The following PTCH2 variants were observed in gnomAD, a reference collection of about 807,000 sequenced individuals.
The protein encoded by PTCH2 is patched 2.
In PTCH2, 96 loss-of-function variants were observed where a neutral mutation model predicts 117.9. That is an observed-to-expected ratio of 0.81 (90% CI 0.69 to 0.96). The LOEUF (loss-of-function observed/expected upper bound fraction) is 0.96. PTCH2 is among the 50% of genes least tolerant of loss of function. The pLI is 0.00. For missense variants in PTCH2, 1,379 were observed against 1,562.5 expected, an observed-to-expected ratio of 0.88 and a Z score of 1.98; for synonymous variants, 615 against 660.9, an observed-to-expected ratio of 0.93 and a Z score of 1.06.
At chr1:44,824,163 C>T (rs569521760) in intron 19 of PTCH2, among the ~76,000 whole-genome samples, 100 of 152,296 alleles carry the variant, frequency 6.6e-4, no homozygotes, top group Non-Finnish European at 1.4e-3. Context: ...AACCACTAGT[C>T]CATCTAGAAG....
In PTCH2 at chr1:44,831,638, A is replaced by G; in HGVS notation, c.617+68T>C. On this transcript the variant is annotated intron_variant, in intron 5 of 21. Coordinates refer to ENST00000372192, the MANE Select transcript of PTCH2 (RefSeq NM_003738.5). This position sits in a 1 kb window ranked among gnomAD's most constrained non-coding sequence, Gnocchi z 4.3. ...AAGGTTTTGATCATCCTCATTCCCC[A>G]GACCCCTCCTTTCTGCTGGGAGAGT... 7.0e-7 allele frequency: 1 copy of G among 1,435,540 alleles called. No homozygotes were observed. The highest frequency in any genetic ancestry group is 9.6e-7 in the Non-Finnish European group (1 of 1,041,794). 88.9% of individuals were successfully genotyped at this position (1,435,540 alleles called of 1,614,324 possible).
intron 2 of PTCH2, among the ~76,000 whole-genome samples, chr1:44,838,262 T>C (rs1653773558): frequency 6.6e-6 from 1 of 152,266 alleles, no homozygotes; most frequent in Non-Finnish European, 1.5e-5. Flanking sequence ...GTCTTCTACA[T>C]GGAATGGCAG....
rs535339869 is a variant in PTCH2, at chr1:44,826,581, C to A, written c.2883G>T (p.Arg961=). ...FLFWEQYLGL[R]RCFLLAVCIL... ...TGCAGACGGCCAGCAGGAAGCAGCGCCGCAGGCCCAGATACTGTTCCCAGA... is the reference window on the plus strand; with the variant it reads ...TGCAGACGGCCAGCAGGAAGCAGCGACGCAGGCCCAGATACTGTTCCCAGA... Residue 961 remains arginine, a synonymous_variant, in exon 18 of 22, where the codon CGG becomes CGT. Transcript: ENST00000372192. This position sits in a 1 kb window ranked among gnomAD's most constrained non-coding sequence, Gnocchi z 5.1. 1 of 1,613,326 alleles carries A rather than the reference C, an allele frequency of 6.2e-7. No homozygotes were observed. The highest frequency in any genetic ancestry group is 1.1e-5 in the South Asian group (1 of 91,078).
chr1:44,841,419 T>C (rs1294810933), intron 2 of PTCH2, among the ~76,000 whole-genome samples: 1 of 152,202 alleles, frequency 6.6e-6, no homozygotes, highest in Non-Finnish European at 1.5e-5. Context: ...ATTCTGCTGG[T>C]CAGAAGTGAT....
chr1:44,841,825 A>T, intron 2 of PTCH2, 22 bp downstream of exon 2: 1 of 1,612,014 alleles, frequency 6.2e-7, no homozygotes, highest in Non-Finnish European at 8.5e-7. Flanking sequence ...CTGAGCAGCT[A>T]TGGCCAGTGT....
At chr1:44,822,995 T>A (rs748901204) in intron 21 of PTCH2, 74 bp downstream of exon 21, 34 of 1,507,328 alleles carry the variant, frequency 2.3e-5, no homozygotes, top group Non-Finnish European at 3.1e-5. Context: ...CACAGGGCTC[T>A]GTCCCTTCCC....
chr1:44,842,784 C>T, intron 1 of PTCH2, 77 bp downstream of exon 1: 1 of 1,392,208 alleles, frequency 7.2e-7, no homozygotes. Context: ...CACTTCAAGA[C>T]ATCACAAACC....
Position 44,832,235 on chromosome 1 carries a change from C to T in PTCH2, c.372G>A (p.Glu124=), listed in dbSNP as rs1462647763. 13 of 1,614,060 alleles carry T rather than the reference C, an allele frequency of 8.1e-6. No homozygotes were observed. Among genetic ancestry groups the T allele is most frequent in the Admixed American group, 1.7e-5 (1 of 59,996 alleles). ...CAAGTGCTTCGGGTGTGAGGATGTT[C>T]TCTCCCTCCTGGCGTGCGGTCTGTA... ...MLIQTARQEG[E]NILTPEALGL... Residue 124 remains glutamate (E), a synonymous_variant, in exon 3 of 22, where the codon GAG becomes GAA. Coordinates refer to ENST00000372192, the MANE Select transcript of PTCH2 (RefSeq NM_003738.5).
At chr1:44,821,175 A>T (rs1202671548), downstream of PTCH2, among the ~76,000 whole-genome samples, 1 of 152,074 alleles carries the variant, frequency 6.6e-6, no homozygotes, top group Non-Finnish European at 1.5e-5. Flanking sequence ...ATGGCTGGGA[A>T]GGGGCAGTTG....
rs1329730752 is a variant in PTCH2 at position 44,841,989 on chromosome 1, C to CTGGAAGTAAGAG, written c.122_123insCTCTTACTTCCA (p.Phe40_Gln41insHisSerTyrPhe). The CTGGAAGTAAGAG allele has an allele frequency of 3.1e-6, 5 of 1,614,094 alleles. No individual in the cohort carries two copies. The highest frequency in any genetic ancestry group is 4.2e-6 in the Non-Finnish European group (5 of 1,180,030). ...CGCATCCCAGAGAGAAGAGCAGGCC[C>CTGGAAGTAAGAG]TGGAAGTAAGCACGAAGCCAGAGTG... On this transcript the variant is annotated inframe_insertion, in exon 2 of 22. Transcript: ENST00000372192.
In PTCH2 at chr1:44,828,175, C is replaced by T. The variant is rs867905557; in HGVS notation, c.1726G>A (p.Val576Met). The change falls in exon 14 of 22, where the codon GTG becomes ATG. Residue 576 changes from valine to methionine, a missense_variant. Physicochemically the swap from Val to Met is conservative, Grantham distance 21. Coordinates refer to ENST00000372192, the MANE Select transcript of PTCH2 (RefSeq NM_003738.5). ...CCFSSPCSAQ[V>M]IQILPQELGD... The stretch of plus-strand genomic sequence containing the variant: ...AGCTCCTGGGGCAGGATCTGAATCA[C>T]CTGAGCAGAGCAGGGACTGGAAGAG... 1.9e-6 allele frequency: 3 copies of T among 1,613,712 alleles called. No homozygotes were observed. Among genetic ancestry groups the T allele is most frequent in the South Asian group, 1.1e-5 (1 of 91,084 alleles).
Position 44,829,996 on chromosome 1 carries a change from C to T in PTCH2, c.848G>A (p.Cys283Tyr), listed in dbSNP as rs367878231. Residue 283 changes from cysteine to tyrosine, a missense_variant, in exon 7 of 22, where the codon TGC (cysteine) becomes TAC (tyrosine). Transcript: ENST00000372192. ...PNVAHELSGG[C>Y]HGFSHKFMHW... Reference sequence around the variant, plus strand: ...CATGAATTTGTGGGAGAAGCCATGGCAGCCCCCACTCAGCTCGTGAGCCAC... The same window carrying T: ...CATGAATTTGTGGGAGAAGCCATGGTAGCCCCCACTCAGCTCGTGAGCCAC... 2 of 1,614,156 alleles carry T rather than the reference C, an allele frequency of 1.2e-6. No homozygotes were observed. The highest frequency in any genetic ancestry group is 1.7e-6 in the Non-Finnish European group (2 of 1,180,018).
Position 44,829,366 on chromosome 1 carries a change from G to A in PTCH2, c.1215+36C>T, listed in dbSNP as rs372289798. The A allele has an allele frequency of 1.1e-3, 1,803 of 1,614,012 alleles. 2 individuals are homozygous for A. The highest frequency in any genetic ancestry group is 1.4e-3 in the Non-Finnish European group (1,679 of 1,179,996). ...CTCCCAGGGTGGGCACTGGTTGGAG[G>A]TGGGGTGGGGGCAAGGTGCCAGGTG... On this transcript the variant is annotated intron_variant, in intron 9 of 21. Transcript: ENST00000372192.
Position 44,822,255 on chromosome 1 carries a change from T to A in PTCH2, c.*160A>T. 1 of 1,545,898 alleles carries A rather than the reference T, an allele frequency of 6.5e-7. No individual in the cohort carries two copies. The highest frequency in any genetic ancestry group is 8.7e-7 in the Non-Finnish European group (1 of 1,154,280). ...CCTGGATGTGCAAATCGGTGGCTGT[T>A]CTGTATGGATATCAGGGAGGCCCAT... is the stretch of plus-strand genomic sequence containing the variant. On this transcript the variant is annotated 3_prime_UTR_variant, in exon 22 of 22. Coordinates refer to ENST00000372192, the MANE Select transcript of PTCH2 (RefSeq NM_003738.5).
Position 44,831,713 on chromosome 1 carries a change from A to T in PTCH2, c.610T>A (p.Tyr204Asn). Residue 204 changes from tyrosine (Y) to asparagine (N), a missense_variant, in exon 5 of 22, where the codon TAC (tyrosine) becomes AAC (asparagine). Physicochemically the swap from Tyr to Asn is moderately radical, Grantham distance 143 (BLOSUM62 -2). Coordinates refer to ENST00000372192, the MANE Select transcript of PTCH2 (RefSeq NM_003738.5). The surrounding 1 kb of genome is among the most constrained non-coding windows in gnomAD (Gnocchi z 4.3). ...CCCAGGAGTGGCACTCACGGCAGGT[A>T]GGCGGAGCCCCCTTGGAGTTTGGCT... ...EGAKLQGGSA[Y>N]LPGRPDIQWT... 1 of 1,558,694 alleles carries T rather than the reference A, an allele frequency of 6.4e-7. No individual in the cohort carries two copies. Among genetic ancestry groups the T allele is most frequent in the African/African-American group, 1.4e-5 (1 of 73,418 alleles).
downstream of PTCH2, chr1:44,820,607 G>C (rs1299664852): frequency 5.8e-6 from 4 of 688,716 alleles, no homozygotes; most frequent in Admixed American, 2.1e-5. Context: ...TGAGAAATTA[G>C]GGACCCGAAG....
At position 44,821,940 on chromosome 1, in the gene PTCH2, A is replaced by T; in HGVS notation, c.*475T>A. 7.4e-7 allele frequency: 1 copy of T among 1,353,074 alleles called. No individual in the cohort carries two copies. 83.8% of individuals were successfully genotyped at this position (1,353,074 alleles called of 1,614,324 possible). ...AAAAGCACTGAAGTCATCTGAGATT[A>T]GTTCACATAGAATATATTTCATTCT... On this transcript the variant is annotated 3_prime_UTR_variant, in exon 22 of 22. Transcript: ENST00000372192.
In PTCH2 at chr1:44,831,758, G is replaced by T. The variant is rs747885797; in HGVS notation, c.565C>A (p.Leu189Ile). 7.6e-6 allele frequency: 12 copies of T among 1,586,834 alleles called. No homozygotes were observed. The highest frequency in any genetic ancestry group is 7.0e-5 in the East Asian group (3 of 43,054). Reference protein sequence around the residue: ...KLFPCVILTPLDCFWEGAKLQ... With the variant: ...KLFPCVILTPIDCFWEGAKLQ... ...TTGGCTCCCTCCCAGAAGCAGTCGA[G>T]GGGGGTGAGGATCACGCACGGAAAC... Residue 189 changes from leucine (L) to isoleucine (I), a missense_variant, in exon 5 of 22, where the codon CTC (leucine) becomes ATC (isoleucine). Coordinates refer to ENST00000372192, the MANE Select transcript of PTCH2 (RefSeq NM_003738.5). The surrounding 1 kb of genome is among the most constrained non-coding windows in gnomAD (Gnocchi z 4.3).
At chr1:44,824,143 G>A (rs891004496) in intron 19 of PTCH2, among the ~76,000 whole-genome samples, 1 of 152,174 alleles carries the variant, frequency 6.6e-6, no homozygotes, top group African/African-American at 2.4e-5. Context: ...ATAAATAGAA[G>A]AAGTTGGCCA....
Sources: gnomAD v4.1 joint callset for allele counts (sites outside exome capture counted in the v4.1 genomes callset) on GRCh38, gnomAD v4.1.1 for gene constraint, Gnocchi (gnomAD v3.1) non-coding constraint, MANE v1.5 for transcripts, NCBI Gene and HGNC (gene_info 2026-07-23, HGNC 2026-07-21) for gene names.